Variants in SLC14A2 observed in about 807,000 individuals in gnomAD.
SLC14A2 encodes the protein urea transporter 2.
Under a neutral mutation model 104.6 loss-of-function variants are expected in SLC14A2, and 91 were observed. That is an observed-to-expected ratio of 0.87 (90% CI 0.73 to 1.04). The LOEUF is 1.04. Ranked by LOEUF, SLC14A2 falls within the 50% of genes least tolerant of loss-of-function variation. The pLI, the probability that SLC14A2 is intolerant of heterozygous loss-of-function variation, is 0.00. For missense variants in SLC14A2, 1,189 were observed against 1,156.0 expected (o/e 1.03, Z -0.41); for synonymous variants, 476 against 466.4 (o/e 1.02, Z -0.27).
intron 1 of SLC14A2, among the ~76,000 whole-genome samples, chr18:45,260,524 G>A (rs2084524964): frequency 6.6e-6 from 1 of 152,096 alleles, no homozygotes; most frequent in Admixed American, 6.6e-5. Flanking sequence ...GTTCATTGCA[G>A]CACTATTCAC....
At chr18:45,504,347 T>C (rs2043249167) in intron 2 of SLC14A2, among the ~76,000 whole-genome samples, 1 of 152,188 alleles carries the variant, frequency 6.6e-6, no homozygotes, top group Non-Finnish European at 1.5e-5. Context: ...AATTTGCTAA[T>C]CATAAACGGT....
chr18:45,545,937 T>C (rs950690355), intron 2 of SLC14A2, among the ~76,000 whole-genome samples: 5 of 152,212 alleles, frequency 3.3e-5, no homozygotes, highest in Non-Finnish European at 7.3e-5. Context: ...CCTCGTTTAT[T>C]TGCACTCATA....
At chr18:45,592,861 G>T (rs924971844) in intron 2 of SLC14A2, among the ~76,000 whole-genome samples, 19 of 152,186 alleles carry the variant, frequency 1.2e-4, no homozygotes, top group Admixed American at 1.1e-3. Flanking sequence ...GCAAAGAGTA[G>T]GTGAGCAATA....
chr18:45,539,204 G>A (rs1318328761), intron 2 of SLC14A2, among the ~76,000 whole-genome samples: 1 of 12,994 alleles, frequency 7.7e-5, no homozygotes, highest in Non-Finnish European at 1.8e-4. Context: ...TCTTCAGACA[G>A]AGCATGAGGT....
intron 1 of SLC14A2, among the ~76,000 whole-genome samples, chr18:45,256,342 G>A (rs1372077100): frequency 6.6e-6 from 1 of 152,202 alleles, no homozygotes; most frequent in Non-Finnish European, 1.5e-5. Context: ...AAAAAAATAA[G>A]TTGACATCAT....
intron 2 of SLC14A2, among the ~76,000 whole-genome samples, chr18:45,508,410 T>A (rs2043315949): frequency 6.6e-6 from 1 of 151,936 alleles, no homozygotes; most frequent in Admixed American, 6.6e-5. Context: ...TGAGATCTGA[T>A]GATTTTAAAA....
intron 2 of SLC14A2, among the ~76,000 whole-genome samples, chr18:45,597,334 A>AAAAG (rs201495622): frequency 0.033 from 4,959 of 152,100 alleles, 111 homozygotes; most frequent in East Asian, 0.063. Flanking sequence ...TCTCAAAAAA[A>AAAAG]AAAGAAAGAA....
intron 1 of SLC14A2, among the ~76,000 whole-genome samples, chr18:45,361,117 T>A (rs1376854731): frequency 6.6e-6 from 1 of 152,132 alleles, no homozygotes; most frequent in East Asian, 1.9e-4. Context: ...AGAAGTCCCC[T>A]CTCCTCTCTC....
At chr18:45,187,513 G>A in the SLC14A2 span, among the ~76,000 whole-genome samples, 1 of 152,092 alleles carries the variant, frequency 6.6e-6, no homozygotes, top group South Asian at 2.1e-4. Flanking sequence ...ACTCCTTTTA[G>A]GATGTATAAC....
chr18:45,461,757 T>C (rs544479520), intron 1 of SLC14A2, among the ~76,000 whole-genome samples: 1 of 152,360 alleles, frequency 6.6e-6, no homozygotes, highest in African/African-American at 2.4e-5. Context: ...CGTTTGAGCA[T>C]AATCATATAT....
chr18:45,449,684 A>G (rs921295115), intron 1 of SLC14A2, among the ~76,000 whole-genome samples: 2 of 152,176 alleles, frequency 1.3e-5, no homozygotes, highest in African/African-American at 4.8e-5. Context: ...ATACCATCAT[A>G]TTAAGAAGAG....
intron 1 of SLC14A2, among the ~76,000 whole-genome samples, chr18:45,450,085 C>G (rs979857874): frequency 6.6e-6 from 1 of 152,202 alleles, no homozygotes; most frequent in African/African-American, 2.4e-5. Flanking sequence ...ATTTCCCCAG[C>G]CTTTTTTAAA....
In SLC14A2 at chr18:45,569,602, G is replaced by A. The variant is rs569926048; in HGVS notation, c.-34-55029G>A. ...ATATTCTATGAAATAAGGATTTCAAGGAGAAAGTCCACCCTAGCTGACTAC... is the reference window on the plus strand; with the variant it reads ...ATATTCTATGAAATAAGGATTTCAAAGAGAAAGTCCACCCTAGCTGACTAC... On this transcript the variant is annotated intron_variant, in intron 2 of 20. Transcript: ENST00000586448. Among the ~76,000 whole-genome samples, 11 of 152,358 alleles carry A rather than the reference G, an allele frequency of 7.2e-5. No individual in the cohort carries two copies. The South Asian group carries it at 2.3e-3, about 32-fold the overall frequency.
At chr18:45,404,457 T>C (rs1047863842) in intron 1 of SLC14A2, among the ~76,000 whole-genome samples, 3 of 152,174 alleles carry the variant, frequency 2.0e-5, no homozygotes, top group African/African-American at 7.2e-5. Context: ...CCATTAGTAA[T>C]GAAGTGTCTC....
At chr18:45,195,946 G>C in the SLC14A2 span, among the ~76,000 whole-genome samples, 3 of 152,284 alleles carry the variant, frequency 2.0e-5, no homozygotes, top group Non-Finnish European at 2.9e-5. Flanking sequence ...AGCCTCCCAA[G>C]CCAGAGTAGG....
At chr18:45,352,351 T>A (rs1295172647) in intron 1 of SLC14A2, among the ~76,000 whole-genome samples, 1 of 152,156 alleles carries the variant, frequency 6.6e-6, no homozygotes, top group African/African-American at 2.4e-5. Flanking sequence ...GAGGGCAAGT[T>A]TTCCTCTTTT....
At chr18:45,536,415 C>T (rs757264550) in intron 2 of SLC14A2, among the ~76,000 whole-genome samples, 16 of 152,174 alleles carry the variant, frequency 1.1e-4, no homozygotes, top group Non-Finnish European at 1.9e-4. Flanking sequence ...GAGGACTGTG[C>T]GGGAGAACCC....
intron 1 of SLC14A2, among the ~76,000 whole-genome samples, chr18:45,419,345 A>G (rs1230968100): frequency 1.3e-5 from 2 of 152,210 alleles, no homozygotes; most frequent in Non-Finnish European, 2.9e-5. Flanking sequence ...GGTGAGGCTT[A>G]AAGTATGAAC....
At chr18:45,461,902 G>T (rs1427123290) in intron 1 of SLC14A2, among the ~76,000 whole-genome samples, 1 of 152,148 alleles carries the variant, frequency 6.6e-6, no homozygotes. Flanking sequence ...GAGAGTCTGA[G>T]GTGATGTGGG....
Sources: gnomAD v4.1 joint callset for allele counts (sites outside exome capture counted in the v4.1 genomes callset) on GRCh38, gnomAD v4.1.1 for gene constraint, MANE v1.5 for transcripts, NCBI Gene and HGNC (gene_info 2026-07-23, HGNC 2026-07-21) for gene names.